Variants in GSDME observed in about 807,000 individuals in gnomAD.
GSDME encodes gasdermin E, also known as gasdermin-E.
Under a neutral mutation model 47.5 loss-of-function variants are expected in GSDME, and 44 were observed. The ratio of observed to expected loss-of-function variants is 0.93; its 90% CI spans 0.73 to 1.19. GSDME has a LOEUF of 1.19. Ranked by LOEUF, GSDME falls within the 50% of genes most tolerant of loss-of-function variation. The pLI is 0.00. For missense variants in GSDME, 663 were observed against 604.2 expected (o/e 1.10, Z -1.02); for synonymous variants, 258 against 252.8 (o/e 1.02, Z -0.20).
the GSDME span, among the ~76,000 whole-genome samples, chr7:24,766,214 T>TGCGC: frequency 3.9e-3 from 589 of 151,362 alleles, 4 homozygotes; most frequent in Admixed American, 0.022. The surrounding 1 kb of genome is among the most constrained non-coding windows in gnomAD (Gnocchi z 4.2). Flanking sequence ...TGTGTGTGTG[T>TGCGC]GCATGTTTGC....
chr7:24,748,474 T>A (rs908980375), intron 2 of GSDME, among the ~76,000 whole-genome samples: 4 of 152,160 alleles, frequency 2.6e-5, no homozygotes, highest in African/African-American at 9.7e-5. Context: ...ATATTTTCAG[T>A]TTCGTTATTA....
chr7:24,703,077 A>G (rs540355774), intron 8 of GSDME: 40 of 412,316 alleles, frequency 9.7e-5, no homozygotes, highest in Admixed American at 4.8e-4. Context: ...TTGACATTCA[A>G]TTTACCAAAT....
chr7:24,751,019 T>C (rs948054668), intron 1 of GSDME, among the ~76,000 whole-genome samples: 1 of 152,170 alleles, frequency 6.6e-6, no homozygotes, highest in East Asian at 1.9e-4. Flanking sequence ...ACTGTGAAAG[T>C]ACTAGAAAAA....
Position 24,721,290 on chromosome 7 carries a change from G to A in GSDME, c.405-2072C>T, listed in dbSNP as rs1286114261. On this transcript the variant is annotated intron_variant, in intron 3 of 9. Transcript: ENST00000645220. This position sits in a 1 kb window ranked among gnomAD's most constrained non-coding sequence, Gnocchi z 4.1. The stretch of plus-strand genomic sequence containing the variant: ...AAATAGATAAGACATAGGAAAAACG[G>A]GTTCAATCTTAGTACTGGTTAAGGA... 6.6e-6 allele frequency among the ~76,000 whole-genome samples: 1 copy of A among 152,154 alleles called. No individual in the cohort carries two copies. Among genetic ancestry groups the A allele is most frequent in the Non-Finnish European group, 1.5e-5 (1 of 68,032 alleles).
chr7:24,770,058 G>C, the GSDME span, among the ~76,000 whole-genome samples: 3 of 152,284 alleles, frequency 2.0e-5, no homozygotes, highest in Admixed American at 2.0e-4. This position sits in a 1 kb window ranked among gnomAD's most constrained non-coding sequence, Gnocchi z 4.6. Context: ...TTCAGAATGG[G>C]ACTTGTCCCA....
chr7:24,744,923 C>CGTGTGTGTGTGTGTGTGTGTGT lies in GSDME; in HGVS notation c.212-191_212-170dup, dbSNP rs3038356. 1.6e-4 allele frequency among the ~76,000 whole-genome samples: 23 copies of CGTGTGTGTGTGTGTGTGTGTGT among 140,206 alleles called. No individual in the cohort carries two copies. The highest frequency in any genetic ancestry group is 6.2e-4 in the African/African-American group (23 of 37,162). The allele number at this position is 140,206 out of a possible 152,430, so 92.0% of individuals were successfully genotyped here. A position where few individuals can be genotyped will look rare whatever the true frequency, so the allele number is the denominator to read the frequency against. On this transcript the variant is annotated intron_variant, in intron 2 of 9. Transcript: ENST00000645220. This position sits in a 1 kb window ranked among gnomAD's most constrained non-coding sequence, Gnocchi z 4.5. Reference sequence around the variant, plus strand: ...GTGTGGGCAAGAAAACAGGGCAGCACGTGTGTGTGTGTGTGTGTGTGTGTG... The same window carrying CGTGTGTGTGTGTGTGTGTGTGT: ...GTGTGGGCAAGAAAACAGGGCAGCACGTGTGTGTGTGTGTGTGTGTGTGTGTGTGTGTGTGTGTGTGTGTGTG...
In GSDME at chr7:24,718,996, G is replaced by C. The variant is rs374747799; in HGVS notation, c.576+51C>G. ...ACCACCCAAAGAGGCCCCCAACCAA[G>C]GTCTCCAGGACTGCTCAGCCATGAA... On this transcript the variant is annotated intron_variant, in intron 4 of 9. Transcript: ENST00000645220. The C allele has an allele frequency of 5.7e-5, 91 of 1,604,776 alleles. No individual in the cohort carries two copies. The East Asian group carries it at 6.0e-4, about 11-fold the overall frequency.
Position 24,706,280 on chromosome 7 carries a change from C to T in GSDME, c.1087G>A (p.Val363Met), listed in dbSNP as rs202239688. 8.1e-6 allele frequency: 13 copies of T among 1,614,190 alleles called. No individual in the cohort carries two copies. Among genetic ancestry groups the T allele is most frequent in the Non-Finnish European group, 1.1e-5 (13 of 1,180,040 alleles). ...CACCCACCCTGTAAGCTGCACCCCACCAGCTGCAGGAAGGCCACAAGGTCC... is the reference window on the plus strand; with the variant it reads ...CACCCACCCTGTAAGCTGCACCCCATCAGCTGCAGGAAGGCCACAAGGTCC... ...QQDLVAFLQL[V>M]GCSLQGGCPG... is the part of the protein sequence containing the mutation. Residue 363 changes from valine to methionine, a missense_variant, in exon 8 of 10, where the codon GTG becomes ATG. By Grantham distance (21) the Val-to-Met change is conservative (BLOSUM62 1). Transcript: ENST00000645220.
At chr7:24,781,549 G>T in the GSDME span, among the ~76,000 whole-genome samples, 1 of 152,122 alleles carries the variant, frequency 6.6e-6, no homozygotes. Context: ...GTATTGGTTA[G>T]GTCTGTGTTT....
Position 24,705,761 on chromosome 7 carries a change from G to A in GSDME, c.1183+423C>T, listed in dbSNP as rs905012807. ...GCCCCCTTGCCCCAGACAGGAGCACGCAGGGTGGGGAATAACAAGTTTGCA... is the reference window on the plus strand; with the variant it reads ...GCCCCCTTGCCCCAGACAGGAGCACACAGGGTGGGGAATAACAAGTTTGCA... On this transcript the variant is annotated intron_variant, in intron 8 of 9. Coordinates refer to ENST00000645220, the MANE Select transcript of GSDME (RefSeq NM_001127453.2). This position sits in a 1 kb window ranked among gnomAD's most constrained non-coding sequence, Gnocchi z 4.1. 1.2e-5 allele frequency: 4 copies of A among 322,348 alleles called. No individual in the cohort carries two copies. The highest frequency in any genetic ancestry group is 4.3e-5 in the Admixed American group (1 of 23,138). The allele number at this position is 322,348 out of a possible 1,614,324, so 20.0% of individuals were successfully genotyped here. A position where few individuals can be genotyped will look rare whatever the true frequency, so the allele number is the denominator to read the frequency against.
At position 24,733,834 on chromosome 7, in the gene GSDME, C is replaced by A. The variant is rs1790219183; in HGVS notation, c.404+10728G>T. Among the ~76,000 whole-genome samples, 1 of 152,228 alleles carries A rather than the reference C, an allele frequency of 6.6e-6. No homozygotes were observed. Among genetic ancestry groups the A allele is most frequent in the Non-Finnish European group, 1.5e-5 (1 of 68,036 alleles). ...CTCCTGGACAGCATCTCTGGACCCA[C>A]CTGGGGCCCCAGGGAAATCACCTCA... is the stretch of plus-strand genomic sequence containing the variant. On this transcript the variant is annotated intron_variant, in intron 3 of 9. Coordinates refer to ENST00000645220, the MANE Select transcript of GSDME (RefSeq NM_001127453.2). The surrounding 1 kb of genome is among the most constrained non-coding windows in gnomAD (Gnocchi z 4.3).
chr7:24,718,758 A>T (rs1306770520), intron 4 of GSDME, among the ~76,000 whole-genome samples: 8 of 152,154 alleles, frequency 5.3e-5, no homozygotes, highest in Non-Finnish European at 2.9e-5. Context: ...GCAAGCCTGG[A>T]GCTGCCAGCA....
rs775332463 is a variant in GSDME, at chr7:24,716,213, AGAG to A, written c.697+1038_697+1040del. Among the ~76,000 whole-genome samples, 104 of 152,170 alleles carry A rather than the reference AGAG, an allele frequency of 6.8e-4. No homozygotes were observed. Among genetic ancestry groups the A allele is most frequent in the Admixed American group, 1.2e-3 (18 of 15,284 alleles). The stretch of plus-strand genomic sequence containing the variant: ...AAAATGTCAAACTGCACAGGAATAG[AGAG>A]GAGGAGCGTGAACCAGCGTGTGCCC... On this transcript the variant is annotated intron_variant, in intron 5 of 9. Coordinates refer to ENST00000645220, the MANE Select transcript of GSDME (RefSeq NM_001127453.2). This position sits in a 1 kb window ranked among gnomAD's most constrained non-coding sequence, Gnocchi z 4.5.
chr7:24,795,506 T>G, the GSDME span, among the ~76,000 whole-genome samples: 3 of 151,946 alleles, frequency 2.0e-5, no homozygotes, highest in Non-Finnish European at 1.5e-5. Flanking sequence ...CGTGAGAGGG[T>G]TGTGACCCAT....
At chr7:24,771,562 G>T in the GSDME span, among the ~76,000 whole-genome samples, 8 of 152,160 alleles carry the variant, frequency 5.3e-5, no homozygotes, top group Non-Finnish European at 8.8e-5. The surrounding 1 kb of genome is among the most constrained non-coding windows in gnomAD (Gnocchi z 4.1). Context: ...GCCACTTACT[G>T]GCTGTGTGAC....
rs1320799935 is a variant in GSDME at position 24,736,008 on chromosome 7, C to G, written c.404+8554G>C. On this transcript the variant is annotated intron_variant, in intron 3 of 9. Transcript: ENST00000645220. The surrounding 1 kb of genome is among the most constrained non-coding windows in gnomAD (Gnocchi z 4.6). ...ATGGTATTTGCAAGCCTCATGGTAA[C>G]CTCAAATAAAAAACTTACAACAGAT... Among the ~76,000 whole-genome samples the G allele has an allele frequency of 6.6e-6, 1 of 151,636 alleles. No individual in the cohort carries two copies. The highest frequency in any genetic ancestry group is 1.5e-5 in the Non-Finnish European group (1 of 67,916).
In GSDME at chr7:24,728,581, CT is replaced by C. The variant is rs1407493422; in HGVS notation, c.405-9364del. On this transcript the variant is annotated intron_variant, in intron 3 of 9. Coordinates refer to ENST00000645220, the MANE Select transcript of GSDME (RefSeq NM_001127453.2). The surrounding 1 kb of genome is among the most constrained non-coding windows in gnomAD (Gnocchi z 7.2). ...TCTCCCTCCTGAACCTTCCTGGGCC[CT>C]GCATACAGAAGGCGCTTAATGCATG... Among the ~76,000 whole-genome samples, 1 of 152,168 alleles carries C rather than the reference CT, an allele frequency of 6.6e-6. No homozygotes were observed. The highest frequency in any genetic ancestry group is 1.5e-5 in the Non-Finnish European group (1 of 68,028).
chr7:24,771,908 G>A, the GSDME span, among the ~76,000 whole-genome samples: 4 of 152,218 alleles, frequency 2.6e-5, no homozygotes, highest in Non-Finnish European at 5.9e-5. The surrounding 1 kb of genome is among the most constrained non-coding windows in gnomAD (Gnocchi z 4.1). Context: ...GAGCATCCCT[G>A]ACGTGAATGG....
In GSDME at chr7:24,723,435, G is replaced by A. The variant is rs1190043194; in HGVS notation, c.405-4217C>T. 2.0e-5 allele frequency among the ~76,000 whole-genome samples: 3 copies of A among 152,088 alleles called. No homozygotes were observed. In the East Asian group the frequency reaches 5.8e-4, roughly 29 times the overall value. On this transcript the variant is annotated intron_variant, in intron 3 of 9. Transcript: ENST00000645220. ...CAGAACAGAAATCACCATGCAACAG[G>A]GCTCCCCTGTGCCCGCCTAGTGCAG...
Sources: gnomAD v4.1 joint callset for allele counts (sites outside exome capture counted in the v4.1 genomes callset) on GRCh38, gnomAD v4.1.1 for gene constraint, Gnocchi (gnomAD v3.1) non-coding constraint, MANE v1.5 for transcripts, NCBI Gene and HGNC (gene_info 2026-07-23, HGNC 2026-07-21) for gene names.